Variants in SLC38A6 observed in about 807,000 individuals in gnomAD.
SLC38A6 encodes N system amino acid transporter NAT-1.
A neutral mutation model predicts 65.0 loss-of-function variants in SLC38A6; 73 were observed. That is an observed-to-expected ratio of 1.12 (90% confidence interval 0.93 to 1.37). SLC38A6 has a LOEUF of 1.37. SLC38A6 is among the 40% of genes most tolerant of loss of function. The pLI is 0.00. For synonymous variants in SLC38A6, 183 were observed against 178.8 expected (o/e 1.02, Z -0.19); for missense variants, 561 against 531.1 (o/e 1.06, Z -0.55).
chr14:60,990,102 T>C (rs186034685), intron 3 of SLC38A6, among the ~76,000 whole-genome samples: 3 of 152,170 alleles, frequency 2.0e-5, no homozygotes, highest in African/African-American at 7.2e-5. Context: ...TGATTTTGGC[T>C]CACTGTAACC....
chr14:61,013,167 T>C (rs1406289635), intron 3 of SLC38A6, among the ~76,000 whole-genome samples: 1 of 152,210 alleles, frequency 6.6e-6, no homozygotes, highest in Non-Finnish European at 1.5e-5. Flanking sequence ...TTTATCTTTG[T>C]TGGTTTAAAG....
chr14:61,077,934 C>A (rs1278398653), intron 15 of SLC38A6, among the ~76,000 whole-genome samples: 1 of 152,194 alleles, frequency 6.6e-6, no homozygotes, highest in Non-Finnish European at 1.5e-5. Context: ...CTGGCGAGAG[C>A]AAATTCTCAA....
chr14:61,045,608 A>G (rs17097981), intron 11 of SLC38A6, among the ~76,000 whole-genome samples, 183 bp downstream of exon 11: 4 of 152,072 alleles, frequency 2.6e-5, no homozygotes, highest in Admixed American at 2.0e-4. Context: ...CTAGAAGTGT[A>G]ATCTTTGAGG....
At chr14:60,992,584 C>A (rs2037980362) in intron 3 of SLC38A6, among the ~76,000 whole-genome samples, 2 of 152,064 alleles carry the variant, frequency 1.3e-5, no homozygotes, top group African/African-American at 4.8e-5. Flanking sequence ...GCTGGGTAAT[C>A]CTGCCTGTAT....
At chr14:61,011,415 A>G (rs2039556058) in intron 3 of SLC38A6, among the ~76,000 whole-genome samples, 2 of 151,900 alleles carry the variant, frequency 1.3e-5, no homozygotes, top group Non-Finnish European at 1.5e-5. Flanking sequence ...TTCCAACACT[A>G]TGTTGAATAG....
At chr14:61,075,797 G>C (rs944322460) in intron 15 of SLC38A6, among the ~76,000 whole-genome samples, 2 of 149,024 alleles carry the variant, frequency 1.3e-5, no homozygotes, top group African/African-American at 4.9e-5. Context: ...GTGTGTGTGT[G>C]TGTGTGTGTG....
At chr14:61,007,666 A>G (rs2039246259) in intron 3 of SLC38A6, among the ~76,000 whole-genome samples, 1 of 149,746 alleles carries the variant, frequency 6.7e-6, no homozygotes, top group African/African-American at 2.5e-5. Context: ...GTACATATTT[A>G]ATTGTAATAT....
Position 61,082,711 on chromosome 14 carries a change from G to A in SLC38A6, c.1409-844G>A, listed in dbSNP as rs140771376. Among the ~76,000 whole-genome samples, 100 of 152,228 alleles carry A rather than the reference G, an allele frequency of 6.6e-4. 1 individual carries two copies. Among genetic ancestry groups the A allele is most frequent in the African/African-American group, 2.3e-3 (97 of 41,524 alleles). On this transcript the variant is annotated intron_variant, in intron 16 of 16. Coordinates refer to the SLC38A6 transcript ENST00000354886. ...CCTAGGTTTCTACCCCTCTCCTCAA[G>A]GCCCTTTCTAGTCACCACGCCACAT... is the stretch of plus-strand genomic sequence containing the variant.
At position 60,982,412 on chromosome 14, in the gene SLC38A6, A is replaced by G. The variant is rs535707974; in HGVS notation, c.106-96A>G. 446 of 1,518,728 alleles carry G rather than the reference A, an allele frequency of 2.9e-4. 1 individual carries two copies. Among genetic ancestry groups the G allele is most frequent in the Non-Finnish European group, 2.0e-4 (224 of 1,113,272 alleles). 94.1% of individuals were successfully genotyped at this position (1,518,728 alleles called of 1,614,324 possible). A position where few individuals can be genotyped will look rare whatever the true frequency, so the allele number is the denominator to read the frequency against. On this transcript the variant is annotated intron_variant, in intron 1 of 15. Transcript: ENST00000267488. The stretch of plus-strand genomic sequence containing the variant: ...TGTCATACAAACCCTGGTGGTTTGC[A>G]GCTTTTTTCCATAATCTTTCATTTA...
chr14:60,999,580 G>A (rs1333765142), intron 3 of SLC38A6, among the ~76,000 whole-genome samples: 3 of 152,194 alleles, frequency 2.0e-5, no homozygotes, highest in African/African-American at 7.2e-5. Flanking sequence ...CCACATCCTA[G>A]TCCCTGAAAC....
chr14:61,065,351 GGT>G (rs1200982000), intron 15 of SLC38A6, among the ~76,000 whole-genome samples: 1 of 152,110 alleles, frequency 6.6e-6, no homozygotes, highest in African/African-American at 2.4e-5. Flanking sequence ...TTAGTATACT[GGT>G]AAATCCATCA....
downstream of SLC38A6, among the ~76,000 whole-genome samples, chr14:61,055,100 CTTTTTCTTT>C (rs2042662828): frequency 3.1e-5 from 1 of 31,830 alleles, no homozygotes; most frequent in Admixed American, 3.3e-4. Flanking sequence ...TTTTTTAAGT[CTTTTTCTTT>C]TTTTTTTTCT....
intron 3 of SLC38A6, among the ~76,000 whole-genome samples, chr14:61,011,306 T>C (rs536275488): frequency 1.2e-4 from 19 of 152,338 alleles, no homozygotes; most frequent in Admixed American, 7.8e-4. Flanking sequence ...TTTCGAGATA[T>C]ACAATCATGT....
intron 7 of SLC38A6, among the ~76,000 whole-genome samples, 163 bp downstream of exon 7, chr14:61,037,304 C>T (rs2041459704): frequency 6.6e-6 from 1 of 152,148 alleles, no homozygotes. Context: ...TTAGGTTGTT[C>T]AGCCTTCAGC....
rs36081997 is a variant in SLC38A6, at chr14:61,023,600, TACACACAC to T, written c.403+4032_403+4039del. ...TAATAATAATAATAATATATATATA[TACACACAC>T]ACACACACACATATATGTAAAATAT... On this transcript the variant is annotated intron_variant, in intron 5 of 15. Transcript: ENST00000267488. 2.2e-3 allele frequency among the ~76,000 whole-genome samples: 327 copies of T among 146,840 alleles called. 1 individual carries two copies. The highest frequency in any genetic ancestry group is 7.8e-3 in the African/African-American group (311 of 39,694).
At chr14:61,043,420 T>C in intron 9 of SLC38A6, 30 bp from the exon 10 acceptor site, 1 of 1,544,872 alleles carries the variant, frequency 6.5e-7, no homozygotes, top group Non-Finnish European at 8.8e-7. Flanking sequence ...GCTGTTGGTT[T>C]CTCTTTTTCC....
chr14:60,996,164 A>G (rs1172692753), intron 3 of SLC38A6, among the ~76,000 whole-genome samples: 1 of 152,208 alleles, frequency 6.6e-6, no homozygotes, highest in African/African-American at 2.4e-5. Context: ...CTTTCTGTTC[A>G]ACTTTGTTGT....
intron 15 of SLC38A6, among the ~76,000 whole-genome samples, chr14:61,075,625 A>G (rs565339394): frequency 2.2e-4 from 33 of 152,292 alleles, no homozygotes; most frequent in African/African-American, 7.2e-4. Flanking sequence ...TTTAGAGACA[A>G]GAGACCAGAC....
intron 15 of SLC38A6, among the ~76,000 whole-genome samples, chr14:61,072,497 A>G (rs1203837357): frequency 6.6e-6 from 1 of 152,072 alleles, no homozygotes; most frequent in Non-Finnish European, 1.5e-5. Flanking sequence ...TTTTGTGCTC[A>G]TTTACCATTT....
Sources: allele counts gnomAD v4.1 joint callset (sites outside exome capture counted in the v4.1 genomes callset), GRCh38; gene constraint gnomAD v4.1.1; transcripts MANE v1.5; gene names NCBI Gene and HGNC (gene_info 2026-07-23, HGNC 2026-07-21).